GCN1: variants seen among roughly 807,000 people sequenced by gnomAD.
GCN1 encodes GCN1 activator of EIF2AK4, also known as stalled ribosome sensor GCN1.
A neutral mutation model predicts 288.4 loss-of-function variants in GCN1; 90 were observed. That is an observed-to-expected ratio of 0.31 (90% CI 0.26 to 0.37). The LOEUF is 0.37. Ranked by LOEUF, GCN1 falls within the 10% of genes least tolerant of loss-of-function variation. The pLI is 1.00. For missense variants in GCN1, 2,586 were observed against 3,419.9 expected, an observed-to-expected ratio of 0.76 and a Z score of 6.08; for synonymous variants, 1,386 against 1,420.2, an observed-to-expected ratio of 0.98 and a Z score of 0.54.
At chr12:120,184,266 G>T (rs775338877) in intron 3 of GCN1, 23 bp from the exon 4 acceptor site, 1 of 1,604,430 alleles carries the variant, frequency 6.2e-7, no homozygotes. Flanking sequence ...GCAAAGGAAA[G>T]GGTGAACATG....
At chr12:120,133,390 G>A (rs1271306117) in intron 53 of GCN1, among the ~76,000 whole-genome samples, 1 of 152,204 alleles carries the variant, frequency 6.6e-6, no homozygotes, top group East Asian at 1.9e-4. Context: ...ATATTTGACA[G>A]ATGCTTCCAG....
chr12:120,138,144 C>T (rs994993941), intron 47 of GCN1, 100 bp from the exon 48 acceptor site: 1 of 1,121,092 alleles, frequency 8.9e-7, no homozygotes, highest in African/African-American at 1.5e-5. Flanking sequence ...GCCCACTGCT[C>T]AGAGCCAAGC....
In GCN1 at chr12:120,181,522, T is replaced by A. The variant is rs866965640; in HGVS notation, c.426+2047A>T. On this transcript the variant is annotated intron_variant, in intron 5 of 57. Coordinates refer to ENST00000300648, the MANE Select transcript of GCN1 (RefSeq NM_006836.2). Reference sequence around the variant, plus strand: ...GAATCATGGTGTGTGTATAAAAAAATTTTTTAATACATTTTTTTAAAAGTA... The same window carrying A: ...GAATCATGGTGTGTGTATAAAAAAAATTTTTAATACATTTTTTTAAAAGTA... Among the ~76,000 whole-genome samples the A allele has an allele frequency of 5.6e-5, 8 of 142,164 alleles. No homozygotes were observed. In the South Asian group the frequency reaches 6.9e-4, roughly 12 times the overall value. 93.3% of individuals were successfully genotyped at this position (142,164 alleles called of 152,430 possible). A position where few individuals can be genotyped will look rare whatever the true frequency, so the allele number is the denominator to read the frequency against.
chr12:120,156,404 T>G lies in GCN1; in HGVS notation c.3312+57A>C. ...TTCTCTCAAATGCCCATCATGCAAT[T>G]TGCACTTGCATAGAGTGACAAGGGA... is the stretch of plus-strand genomic sequence containing the variant. On this transcript the variant is annotated intron_variant, in intron 28 of 57. Coordinates refer to ENST00000300648, the MANE Select transcript of GCN1 (RefSeq NM_006836.2). The surrounding 1 kb of genome is among the most constrained non-coding windows in gnomAD (Gnocchi z 5.8). The G allele has an allele frequency of 6.4e-7, 1 of 1,550,812 alleles. No individual in the cohort carries two copies. The highest frequency in any genetic ancestry group is 1.1e-5 in the South Asian group (1 of 89,290).
At chr12:120,157,205 T>G in intron 26 of GCN1, 1 of 496,734 alleles carries the variant, frequency 2.0e-6, no homozygotes, top group East Asian at 3.3e-5. Flanking sequence ...ATTCTGAAAC[T>G]TGCTTGAAAT....
rs1224651602 is a variant in GCN1 at position 120,179,397 on chromosome 12, ATTT to A, written c.427-450_427-448del. 2.5e-4 allele frequency among the ~76,000 whole-genome samples: 32 copies of A among 127,154 alleles called. No individual in the cohort carries two copies. The East Asian group carries it at 3.1e-3, about 12-fold the overall frequency. 83.4% of individuals were successfully genotyped at this position (127,154 alleles called of 152,430 possible). On this transcript the variant is annotated intron_variant, in intron 5 of 57. Coordinates refer to ENST00000300648, the MANE Select transcript of GCN1 (RefSeq NM_006836.2). The stretch of plus-strand genomic sequence containing the variant: ...AGGTGCGTGCCACCATGCCCAGCTA[ATTT>A]TTTTTTTTTTTTTTTTTGAGACAGA...
rs370898138 is a variant in GCN1 at position 120,146,195 on chromosome 12, C to T, written c.4947+857G>A. On this transcript the variant is annotated intron_variant, in intron 38 of 57. Coordinates refer to ENST00000300648, the MANE Select transcript of GCN1 (RefSeq NM_006836.2). ...GGCAGGAGAATCGCTTGAACCCAGG[C>T]GGCAGAGGTTGCAGTGAGCCGAGAC... Among the ~76,000 whole-genome samples the T allele has an allele frequency of 4.2e-4, 61 of 146,064 alleles. No homozygotes were observed. In the South Asian group the frequency reaches 9.3e-3, roughly 22 times the overall value.
In GCN1 at chr12:120,127,798, A is replaced by G. The variant is rs772108665; in HGVS notation, c.*51T>C. ...GGAACAAATGTATTTTCAAAAATGA[A>G]AACATTGAGCAAAGATGTGGAGCGG... On this transcript the variant is annotated 3_prime_UTR_variant, in exon 58 of 58. Transcript: ENST00000300648. 5 of 1,585,688 alleles carry G rather than the reference A, an allele frequency of 3.2e-6. No homozygotes were observed. The African/African-American group carries it at 6.8e-5, about 21-fold the overall frequency.
Position 120,158,781 on chromosome 12 carries a change from G to T in GCN1, c.2750-166C>A, listed in dbSNP as rs1361421290. On this transcript the variant is annotated intron_variant, in intron 24 of 57. Coordinates refer to ENST00000300648, the MANE Select transcript of GCN1 (RefSeq NM_006836.2). This position sits in a 1 kb window ranked among gnomAD's most constrained non-coding sequence, Gnocchi z 4.3. ...TAATCCCAGCACTTTGGGAGGCCGA[G>T]GCGGGCGGATCATGAGGTCAGGAGA... Among the ~76,000 whole-genome samples the T allele has an allele frequency of 6.6e-6, 1 of 152,174 alleles. No homozygotes were observed. The highest frequency in any genetic ancestry group is 1.5e-5 in the Non-Finnish European group (1 of 68,026).
chr12:120,129,747 G>A (rs1471886113), intron 56 of GCN1, among the ~76,000 whole-genome samples: 1 of 152,104 alleles, frequency 6.6e-6, no homozygotes, highest in African/African-American at 2.4e-5. Flanking sequence ...CCTCTGCCCT[G>A]GCTGGTCCCA....
intron 9 of GCN1, 35 bp from the exon 10 acceptor site, chr12:120,176,252 T>G: frequency 7.3e-7 from 1 of 1,370,852 alleles, no homozygotes; most frequent in South Asian, 1.2e-5. Context: ...CATGTCAGTC[T>G]AAGCAATAAA....
intron 53 of GCN1, among the ~76,000 whole-genome samples, chr12:120,133,528 G>A (rs1017556096): frequency 2.6e-5 from 4 of 151,960 alleles, no homozygotes; most frequent in African/African-American, 4.8e-5. Context: ...ACTTGCCACC[G>A]GGACACACCC....
rs761280391 is a variant in GCN1, at chr12:120,131,276, A to G, written c.7472T>C (p.Val2491Ala). ...VRHGRSLALS[V>A]AVNVAPGRLC... The stretch of plus-strand genomic sequence containing the variant: ...TCTGCCAGGAGCCACATTCACAGCC[A>G]CGGAAAGTGCCAGGCTCCGCCCGTG... The change falls in exon 55 of 58, where the codon GTG (valine) becomes GCG (alanine). Residue 2491 changes from valine (V) to alanine (A), a missense_variant. Val to Ala is a moderately conservative substitution (Grantham distance 64). Around this residue, in one of 8 missense-constraint regions of GCN1, gnomAD observed 355 missense variants for 431.1 expected, o/e 0.82. Coordinates refer to ENST00000300648, the MANE Select transcript of GCN1 (RefSeq NM_006836.2). The G allele has an allele frequency of 1.9e-6, 3 of 1,614,048 alleles. No homozygotes were observed. In the East Asian group the frequency reaches 6.7e-5, roughly 36 times the overall value.
chr12:120,138,799 G>T lies in GCN1; in HGVS notation c.6052C>A (p.Leu2018Met). 6.2e-7 allele frequency: 1 copy of T among 1,614,162 alleles called. No homozygotes were observed. Among genetic ancestry groups the T allele is most frequent in the Non-Finnish European group, 8.5e-7 (1 of 1,179,984 alleles). The change falls in exon 46 of 58, where the codon CTG becomes ATG. Residue 2018 changes from leucine to methionine, a missense_variant. Physicochemically the swap from Leu to Met is conservative, Grantham distance 15. Transcript: ENST00000300648. ...PTARKALCDPLEEVREAAAKT... is the reference protein window; with the variant it reads ...PTARKALCDPMEEVREAAAKT... ...GCTGCCGCCTCTCTGACCTCCTCCA[G>T]TGGGTCACACAAAGCCTTCCTTGCC...
rs893347710 is a variant in GCN1, at chr12:120,159,755, G to C, written c.2749+70C>G. Reference sequence around the variant, plus strand: ...CCACCCACCTCCCCACAAGCACTCAGGGGCACACCCTGTCCAAGCACTCAG... The same window carrying C: ...CCACCCACCTCCCCACAAGCACTCACGGGCACACCCTGTCCAAGCACTCAG... On this transcript the variant is annotated intron_variant, in intron 24 of 57. Transcript: ENST00000300648. 5.8e-6 allele frequency: 8 copies of C among 1,373,702 alleles called. No individual in the cohort carries two copies. The Admixed American group carries it at 8.4e-5, about 14-fold the overall frequency. 85.1% of individuals were successfully genotyped at this position (1,373,702 alleles called of 1,614,324 possible). A position where few individuals can be genotyped will look rare whatever the true frequency, so the allele number is the denominator to read the frequency against.
rs1877053975 is a variant in GCN1, at chr12:120,137,663, G to A, written c.6545C>T (p.Ser2182Leu). 1.2e-6 allele frequency: 2 copies of A among 1,614,056 alleles called. No individual in the cohort carries two copies. The highest frequency in any genetic ancestry group is 2.7e-5 in the African/African-American group (2 of 74,934). Reference sequence around the variant, plus strand: ...CAGGTGGCTGGTGTAGTCAGCCTTTGAGCGGGAACAGTAGATGTTGAGGAT... The same window carrying A: ...CAGGTGGCTGGTGTAGTCAGCCTTTAAGCGGGAACAGTAGATGTTGAGGAT... ...AIILNIYCSR[S>L]KADYTSHLRS... The change falls in exon 49 of 58, where the codon TCA (serine) becomes TTA (leucine). Residue 2182 changes from serine (S) to leucine (L), a missense_variant. Transcript: ENST00000300648. This position sits in a 1 kb window ranked among gnomAD's most constrained non-coding sequence, Gnocchi z 5.2.
At chr12:120,187,538 A>C (rs1471049643) in intron 2 of GCN1, among the ~76,000 whole-genome samples, 1 of 151,956 alleles carries the variant, frequency 6.6e-6, no homozygotes, top group East Asian at 1.9e-4. Context: ...TTCAAACTTT[A>C]GTAAACATAG....
At position 120,156,721 on chromosome 12, in the gene GCN1, G is replaced by T; in HGVS notation, c.3169-117C>A. On this transcript the variant is annotated intron_variant, in intron 27 of 57. Coordinates refer to ENST00000300648, the MANE Select transcript of GCN1 (RefSeq NM_006836.2). The surrounding 1 kb of genome is among the most constrained non-coding windows in gnomAD (Gnocchi z 5.8). ...CAGCACTGCAAGGGCTAAGACCCCAGCTCCAGTGGCAGGACCCAAGCAAAA... is the reference window on the plus strand; with the variant it reads ...CAGCACTGCAAGGGCTAAGACCCCATCTCCAGTGGCAGGACCCAAGCAAAA... 9.2e-7 allele frequency: 1 copy of T among 1,091,146 alleles called. No homozygotes were observed. Among genetic ancestry groups the T allele is most frequent in the Non-Finnish European group, 1.4e-6 (1 of 738,044 alleles). 67.6% of individuals were successfully genotyped at this position (1,091,146 alleles called of 1,614,324 possible). A position where few individuals can be genotyped will look rare whatever the true frequency, so the allele number is the denominator to read the frequency against.
chr12:120,163,046 C>T (rs1877981528), intron 19 of GCN1, 24 bp downstream of exon 19: 1 of 1,613,658 alleles, frequency 6.2e-7, no homozygotes, highest in African/African-American at 1.3e-5. Flanking sequence ...TCTGGGCTCT[C>T]CCACACCCAC....
Sources: allele counts gnomAD v4.1 joint callset (sites outside exome capture counted in the v4.1 genomes callset), GRCh38; gene constraint gnomAD v4.1.1; regional missense constraint gnomAD v4.1.1; non-coding constraint Gnocchi (gnomAD v3.1); transcripts MANE v1.5; gene names NCBI Gene and HGNC (gene_info 2026-07-23, HGNC 2026-07-21).